Variants in ACSF3 observed in about 807,000 individuals in gnomAD.
ACSF3 encodes malonate--CoA ligase ACSF3, mitochondrial.
Under a neutral mutation model 53.2 loss-of-function variants are expected in ACSF3, and 78 were observed. The ratio of observed to expected loss-of-function variants is 1.47; its 90% CI spans 1.22 to 1.77. The LOEUF is 1.77. Ranked by LOEUF, ACSF3 falls within the 40% of genes most tolerant of loss-of-function variation. ACSF3 has a pLI of 0.00. For synonymous variants in ACSF3, 414 were observed against 333.1 expected (o/e 1.24, Z -2.65); for missense variants, 937 against 771.1 (o/e 1.22, Z -2.55).
intron 8 of ACSF3, among the ~76,000 whole-genome samples, chr16:89,143,099 C>A (rs572725611): frequency 2.0e-5 from 3 of 152,056 alleles, no homozygotes; most frequent in Non-Finnish European, 4.4e-5. Context: ...AAAAAAGATT[C>A]GCAGGAAATT....
chr16:89,134,658 C>CCGAT (rs1910049705), intron 8 of ACSF3, among the ~76,000 whole-genome samples: 1 of 152,190 alleles, frequency 6.6e-6, no homozygotes, highest in African/African-American at 2.4e-5. Flanking sequence ...GGTTTATATC[C>CCGAT]CGATCATTGT....
chr16:89,099,812 A>G (rs938009890), intron 2 of ACSF3, among the ~76,000 whole-genome samples: 2 of 151,528 alleles, frequency 1.3e-5, no homozygotes, highest in African/African-American at 4.9e-5. Flanking sequence ...AGAGCGGGTG[A>G]GACTCCATCC....
At chr16:89,102,551 G>A in intron 3 of ACSF3, 53 bp from the exon 4 acceptor site, 4 of 1,606,740 alleles carry the variant, frequency 2.5e-6, no homozygotes, top group Non-Finnish European at 3.4e-6. Flanking sequence ...TGTGTGTGCT[G>A]TTGCGGGCCA....
chr16:89,133,000 A>G, intron 7 of ACSF3, 136 bp from the exon 8 acceptor site: 1 of 1,315,444 alleles, frequency 7.6e-7, no homozygotes, highest in South Asian at 1.2e-5. Context: ...AAGCATTCCA[A>G]CAAAGCGCTC....
chr16:89,146,063 G>A lies in ACSF3; in HGVS notation c.1613+14G>A, dbSNP rs1912894942. The A allele has an allele frequency of 6.6e-7, 1 of 1,514,276 alleles. No homozygotes were observed. The highest frequency in any genetic ancestry group is 9.2e-7 in the Non-Finnish European group (1 of 1,090,884). The allele number at this position is 1,514,276 out of a possible 1,614,324, so 93.8% of individuals were successfully genotyped here. On this transcript the variant is annotated intron_variant, in intron 10 of 10. Transcript: ENST00000614302. ...AGAGTGGGCCAGGTAGGGCTGGGTG[G>A]GGCGGGCAGGGAGCACTCATGGGGT...
intron 4 of ACSF3, 34 bp downstream of exon 4, chr16:89,102,793 C>G: frequency 6.4e-7 from 1 of 1,571,050 alleles, no homozygotes; most frequent in Non-Finnish European, 8.6e-7. Context: ...GTTGCACCCT[C>G]AGACTAGGCG....
At chr16:89,119,506 C>T (rs1597980202) in intron 6 of ACSF3, among the ~76,000 whole-genome samples, 1 of 152,310 alleles carries the variant, frequency 6.6e-6, no homozygotes, top group South Asian at 2.1e-4. Context: ...ACCGCCGTGC[C>T]GCGCACTGAA....
rs370947288 is a variant in ACSF3, at chr16:89,154,199, C to A, written c.1723C>A (p.Pro575Thr). The change falls in exon 11 of 11, where the codon CCC becomes ACC. Residue 575 changes from proline (P) to threonine (T), a missense_variant. Physicochemically the swap from Pro to Thr is conservative, Grantham distance 38. Coordinates refer to ENST00000614302, the MANE Select transcript of ACSF3 (RefSeq NM_001243279.3). ...DKKALIRHFH[P>T]S is the part of the protein sequence containing the mutation. ...GAAGGCGCTCATCAGGCACTTCCAC[C>A]CCTCATGACCCGGCAGACTGGGACT... The A allele has an allele frequency of 9.3e-6, 15 of 1,613,240 alleles. No homozygotes were observed. The African/African-American group carries it at 1.5e-4, about 16-fold the overall frequency.
rs776385863 is a variant in ACSF3, at chr16:89,133,245, A to C, written c.1349A>C (p.Asp450Ala). 22 of 1,614,112 alleles carry C rather than the reference A, an allele frequency of 1.4e-5. No individual in the cohort carries two copies. The South Asian group carries it at 2.1e-4, about 15-fold the overall frequency. The change falls in exon 8 of 11, where the codon GAT (aspartate) becomes GCT (alanine). Residue 450 changes from aspartate to alanine, a missense_variant. Asp to Ala is a moderately radical substitution (Grantham distance 126). Transcript: ENST00000614302. The part of the protein sequence containing the change: ...PEETKSAFTL[D>A]GWFKTGDTVV... Reference sequence around the variant, plus strand: ...GAAACTAAGAGTGCATTCACCCTGGATGGCTGGTTTAAGACAGGTAGGACC... The same window carrying C: ...GAAACTAAGAGTGCATTCACCCTGGCTGGCTGGTTTAAGACAGGTAGGACC...
chr16:89,137,221 G>T (rs1910701738), intron 8 of ACSF3, among the ~76,000 whole-genome samples: 1 of 152,154 alleles, frequency 6.6e-6, no homozygotes, highest in African/African-American at 2.4e-5. Flanking sequence ...CCTTAGAGAA[G>T]AGCCAGGGAT....
intron 5 of ACSF3, among the ~76,000 whole-genome samples, chr16:89,112,904 T>C (rs1185608263): frequency 1.3e-5 from 2 of 152,244 alleles, no homozygotes; most frequent in African/African-American, 2.4e-5. Flanking sequence ...GGGCACGTTC[T>C]GCTGCTTTTC....
chr16:89,142,343 G>A (rs1192153938), intron 8 of ACSF3, among the ~76,000 whole-genome samples: 1 of 152,200 alleles, frequency 6.6e-6, no homozygotes, highest in Non-Finnish European at 1.5e-5. Flanking sequence ...GCCTACAGCA[G>A]GGTCTCAGGG....
At chr16:89,098,225 A>G (rs1208873324) in intron 1 of ACSF3, among the ~76,000 whole-genome samples, 2 of 152,270 alleles carry the variant, frequency 1.3e-5, no homozygotes, top group Non-Finnish European at 2.9e-5. Context: ...TTGTTAGACA[A>G]CTATGAAGTG....
chr16:89,112,224 G>A lies in ACSF3; in HGVS notation c.955G>A (p.Ala319Thr). 6.2e-7 allele frequency: 1 copy of A among 1,614,204 alleles called. No individual in the cohort carries two copies. Among genetic ancestry groups the A allele is most frequent in the South Asian group, 1.1e-5 (1 of 91,082 alleles). ...GCCGCACGCCCAGGATTTCTTGCGT[G>A]CAGTTTGTGAAGAAAAAATTAGGTA... is the stretch of plus-strand genomic sequence containing the variant. The part of the protein sequence containing the change: ...TQPHAQDFLR[A>T]VCEEKIRLMV... Residue 319 changes from alanine (A) to threonine (T), a missense_variant, in exon 5 of 11, where the codon GCA (alanine) becomes ACA (threonine). Physicochemically the swap from Ala to Thr is moderately conservative, Grantham distance 58. Coordinates refer to ENST00000614302, the MANE Select transcript of ACSF3 (RefSeq NM_001243279.3).
intron 3 of ACSF3, among the ~76,000 whole-genome samples, chr16:89,101,943 G>A (rs1975395424): frequency 6.6e-6 from 1 of 152,224 alleles, no homozygotes; most frequent in Non-Finnish European, 1.5e-5. Context: ...GGTGGCCTGC[G>A]CCGTCACTCC....
At chr16:89,148,223 T>G (rs1282608430) in intron 10 of ACSF3, 1 of 147,442 alleles carries the variant, frequency 6.8e-6, no homozygotes, top group Non-Finnish European at 1.5e-5. Context: ...TCAGCCTCCC[T>G]AAGTAGCTGG....
intron 5 of ACSF3, 125 bp downstream of exon 5, chr16:89,112,371 C>A: frequency 8.2e-7 from 1 of 1,222,890 alleles, no homozygotes; most frequent in South Asian, 1.2e-5. Context: ...TTCAATGTTC[C>A]CTCTCTCTCT....
chr16:89,141,001 C>A, intron 8 of ACSF3: 1 of 1,185,186 alleles, frequency 8.4e-7, no homozygotes, highest in Non-Finnish European at 1.1e-6. Flanking sequence ...AGAATCGATG[C>A]ATTTTGATAA....
intron 6 of ACSF3, among the ~76,000 whole-genome samples, chr16:89,118,891 C>T (rs1706697451): frequency 6.6e-6 from 1 of 152,238 alleles, no homozygotes; most frequent in South Asian, 2.1e-4. Flanking sequence ...GCTGCGCTCC[C>T]ATCTACATTG....
Sources: allele counts gnomAD v4.1 joint callset (sites outside exome capture counted in the v4.1 genomes callset), GRCh38; gene constraint gnomAD v4.1.1; transcripts MANE v1.5; gene names NCBI Gene and HGNC (gene_info 2026-07-23, HGNC 2026-07-21).